ROR2: variants seen among roughly 807,000 people sequenced by gnomAD.
ROR2 encodes the protein ROR family WNT receptor 2.
Under a neutral mutation model 74.9 loss-of-function variants are expected in ROR2, and 33 were observed. The ratio of observed to expected loss-of-function variants is 0.44; its 90% CI spans 0.33 to 0.59. The LOEUF (loss-of-function observed/expected upper bound fraction) is 0.59, where lower values mean the gene tolerates loss of function less well. Ranked by LOEUF, ROR2 falls within the 20% of genes least tolerant of loss-of-function variation. The pLI is 0.02. For missense variants in ROR2, 1,216 were observed against 1,313.8 expected (o/e 0.93, Z 1.15); for synonymous variants, 586 against 558.7 (o/e 1.05, Z -0.69).
At chr9:91,732,098 G>T (rs1006633752) in intron 6 of ROR2, among the ~76,000 whole-genome samples, 2 of 152,148 alleles carry the variant, frequency 1.3e-5, no homozygotes, top group African/African-American at 4.8e-5. Flanking sequence ...CCAGGCCCTG[G>T]CTGGTCCTGG....
chr9:91,751,458 A>C (rs1468963061), intron 4 of ROR2, among the ~76,000 whole-genome samples: 1 of 152,106 alleles, frequency 6.6e-6, no homozygotes, highest in African/African-American at 2.4e-5. Context: ...TTTAAAAAGC[A>C]TGTGGAACTC....
In ROR2 at chr9:91,737,387, C is replaced by A; in HGVS notation, c.622+4G>T. Reference sequence around the variant, plus strand: ...ATCCTGGGAGAAAGGTCTGCAGCTCCTACCTGTGATTCGGTTTTCAATCTC... The same window carrying A: ...ATCCTGGGAGAAAGGTCTGCAGCTCATACCTGTGATTCGGTTTTCAATCTC... On this transcript the variant is annotated splice_donor_region_variant and intron_variant, in intron 5 of 8. Transcript: ENST00000375708. The A allele has an allele frequency of 6.2e-7, 1 of 1,614,138 alleles. No homozygotes were observed. The highest frequency in any genetic ancestry group is 1.1e-5 in the South Asian group (1 of 91,078).
rs1827714349 is a variant in ROR2, at chr9:91,810,476, A to G, written c.98-34658T>C. ...CTTTACCTCCTTGTAAGACACGATC[A>G]TCTACTTCCGCAGACAGTGCCTAAA... On this transcript the variant is annotated intron_variant, in intron 1 of 8. Transcript: ENST00000375708. Among the ~76,000 whole-genome samples, 4 of 152,058 alleles carry G rather than the reference A, an allele frequency of 2.6e-5. No homozygotes were observed. In the South Asian group the frequency reaches 6.2e-4, roughly 24 times the overall value.
intron 1 of ROR2, among the ~76,000 whole-genome samples, chr9:91,931,149 T>C (rs1378026189): frequency 2.0e-5 from 3 of 152,096 alleles, no homozygotes; most frequent in African/African-American, 7.2e-5. Flanking sequence ...AAAATAAATA[T>C]CAAGAAGAAA....
At chr9:91,751,553 A>G (rs1348305074) in intron 4 of ROR2, among the ~76,000 whole-genome samples, 1 of 152,232 alleles carries the variant, frequency 6.6e-6, no homozygotes, top group Non-Finnish European at 1.5e-5. Flanking sequence ...ACAAAAACCT[A>G]TATAACCTTA....
intron 1 of ROR2, among the ~76,000 whole-genome samples, chr9:91,830,594 G>A (rs1828433048): frequency 6.6e-6 from 1 of 152,224 alleles, no homozygotes; most frequent in Non-Finnish European, 1.5e-5. Flanking sequence ...AAAGTAGACT[G>A]GAGCCCACCA....
chr9:91,916,839 A>C (rs963338138), intron 1 of ROR2, among the ~76,000 whole-genome samples: 1 of 152,134 alleles, frequency 6.6e-6, no homozygotes, highest in South Asian at 2.1e-4. Context: ...AAGGAGGAAG[A>C]AAGGTGAAGT....
chr9:91,919,465 T>C (rs943921485), intron 1 of ROR2, among the ~76,000 whole-genome samples: 2 of 152,264 alleles, frequency 1.3e-5, no homozygotes, highest in Non-Finnish European at 2.9e-5. Flanking sequence ...CTCCGAGCAC[T>C]GGACCATCTG....
intron 1 of ROR2, among the ~76,000 whole-genome samples, chr9:91,816,851 G>A (rs1035021691): frequency 6.6e-6 from 1 of 152,140 alleles, no homozygotes; most frequent in Non-Finnish European, 1.5e-5. Flanking sequence ...TTGGTTTTCA[G>A]CCCCACTTCA....
chr9:91,771,055 A>G (rs1025143639), intron 2 of ROR2, among the ~76,000 whole-genome samples: 2 of 152,224 alleles, frequency 1.3e-5, no homozygotes, highest in African/African-American at 4.8e-5. Context: ...TGGCACAAAT[A>G]GCAGGGAACA....
intron 4 of ROR2, among the ~76,000 whole-genome samples, chr9:91,750,484 C>T (rs1376260117): frequency 2.0e-5 from 3 of 152,162 alleles, no homozygotes; most frequent in Admixed American, 1.3e-4. Context: ...ACATCTTCTC[C>T]GTAAGGCACA....
Position 91,808,622 on chromosome 9 carries a change from C to CA in ROR2, c.98-32805dup, listed in dbSNP as rs147232458. 4.3e-4 allele frequency among the ~76,000 whole-genome samples: 63 copies of CA among 147,826 alleles called. 1 individual carries two copies. Among genetic ancestry groups the CA allele is most frequent in the East Asian group, 1.4e-3 (7 of 4,942 alleles). On this transcript the variant is annotated intron_variant, in intron 1 of 8. Transcript: ENST00000375708. ...CTGGTGACAGAGCAAGACTCCATCT[C>CA]AAAAAAAAATCATAAATTATCATGC... is the stretch of plus-strand genomic sequence containing the variant.
intron 1 of ROR2, among the ~76,000 whole-genome samples, chr9:91,839,249 GGGGTGTGTGTGTGTGTGTGTGTGT>G (rs1828704789): frequency 2.3e-5 from 3 of 132,680 alleles, no homozygotes; most frequent in Non-Finnish European, 1.6e-5. Context: ...TGTCAGATCG[GGGGTGTGTGTGTGTGTGTGTGTGT>G]GTGTGTGTGT....
chr9:91,890,471 CACTCCTTATTAAACTTATAGATGCTGT>C lies in ROR2; in HGVS notation c.97+59369_97+59395del, dbSNP rs1329931131. On this transcript the variant is annotated intron_variant, in intron 1 of 8. Transcript: ENST00000375708. ...TATGGTTTTCTTCTCGTAGACGCTG[CACTCCTTATTAAACTTATAGATGCTGT>C]ACTCCTTATTAAACTTATTCCTAAG... 3.9e-5 allele frequency among the ~76,000 whole-genome samples: 6 copies of C among 152,316 alleles called. No homozygotes were observed. The South Asian group carries it at 6.2e-4, about 16-fold the overall frequency.
intron 1 of ROR2, among the ~76,000 whole-genome samples, chr9:91,938,605 GAGCAAGACTTCATCTCAAAAAGGAA>G (rs1831765169): frequency 1.3e-5 from 2 of 151,988 alleles, no homozygotes; most frequent in Admixed American, 1.3e-4. Context: ...CTGGGCAACA[GAGCAAGACTTCATCTCAAAAAGGAA>G]GAAGGGGATC....
At chr9:91,909,838 GTTTGT>G (rs1414808218) in intron 1 of ROR2, among the ~76,000 whole-genome samples, 794 of 63,018 alleles carry the variant, frequency 0.013, 78 homozygotes, top group Admixed American at 0.016. Flanking sequence ...TTTTTTTTAG[GTTTGT>G]TTTGTTTTTT....
At chr9:91,756,131 T>C (rs1171765305) in intron 3 of ROR2, 30 bp from the exon 4 acceptor site, 3 of 1,610,232 alleles carry the variant, frequency 1.9e-6, no homozygotes, top group Non-Finnish European at 8.5e-7. Context: ...AGACAAGTTA[T>C]TAATACTCCA....
chr9:91,748,113 A>C (rs540976793), intron 4 of ROR2, among the ~76,000 whole-genome samples: 3 of 152,280 alleles, frequency 2.0e-5, no homozygotes, highest in African/African-American at 7.2e-5. Flanking sequence ...AAACCAACCA[A>C]CAAACAAAAA....
At chr9:91,838,687 G>A (rs1032601199) in intron 1 of ROR2, among the ~76,000 whole-genome samples, 10 of 151,142 alleles carry the variant, frequency 6.6e-5, no homozygotes, top group African/African-American at 2.2e-4. Flanking sequence ...CACCACGGCC[G>A]GCGCAGGAGA....
Sources: gnomAD v4.1 joint callset for allele counts (sites outside exome capture counted in the v4.1 genomes callset) on GRCh38, gnomAD v4.1.1 for gene constraint, MANE v1.5 for transcripts, NCBI Gene and HGNC (gene_info 2026-07-23, HGNC 2026-07-21) for gene names.